SIAH3: variants seen among roughly 807,000 people sequenced by gnomAD.
SIAH3 encodes seven in absentia homolog 3.
SIAH3 carries 9 observed loss-of-function variants against 12.6 expected under a neutral mutation model. The ratio of observed to expected loss-of-function variants is 0.72; its 90% CI spans 0.43 to 1.25. SIAH3 has a LOEUF of 1.25. SIAH3 is among the 50% of genes most tolerant of loss of function. The pLI, the probability that SIAH3 is intolerant of heterozygous loss-of-function variation, is 0.00. For missense variants in SIAH3, 390 were observed against 365.4 expected (o/e 1.07, Z -0.55); for synonymous variants, 154 against 151.1 (o/e 1.02, Z -0.14).
chr13:45,803,108 T>C (rs1950587860), intron 1 of SIAH3, among the ~76,000 whole-genome samples: 1 of 151,790 alleles, frequency 6.6e-6, no homozygotes, highest in Admixed American at 6.6e-5. Context: ...AAAGCCTGTT[T>C]GGCAGGGTGT....
chr13:45,810,648 T>C (rs1950613509), intron 1 of SIAH3, among the ~76,000 whole-genome samples: 1 of 152,054 alleles, frequency 6.6e-6, no homozygotes, highest in Non-Finnish European at 1.5e-5. Context: ...TGAGAAAAAA[T>C]GTGCTGCAGT....
chr13:45,799,153 T>C (rs1950573021), intron 1 of SIAH3, among the ~76,000 whole-genome samples: 1 of 152,198 alleles, frequency 6.6e-6, no homozygotes, highest in African/African-American at 2.4e-5. Context: ...TCAATTTCCC[T>C]GCATTGACTA....
chr13:45,823,793 C>A (rs1950664494), intron 1 of SIAH3, among the ~76,000 whole-genome samples: 1 of 152,208 alleles, frequency 6.6e-6, no homozygotes, highest in Non-Finnish European at 1.5e-5. Context: ...GTCCTACAGG[C>A]CTGACAGTAT....
At position 45,778,939 on chromosome 13, in the gene SIAH3, T is replaced by G. The variant is rs1950494016; in HGVS notation, c.*4444A>C. On this transcript the variant is annotated 3_prime_UTR_variant, in exon 2 of 2. Coordinates refer to ENST00000400405, the MANE Select transcript of SIAH3 (RefSeq NM_198849.3). Reference sequence around the variant, plus strand: ...TCTTCAGATTTTAGTGTCCACGAGATTCCTGGAACCAATCCCCCAAGGATA... The same window carrying G: ...TCTTCAGATTTTAGTGTCCACGAGAGTCCTGGAACCAATCCCCCAAGGATA... 6.6e-6 allele frequency: 1 copy of G among 152,196 alleles called. No homozygotes were observed. Among genetic ancestry groups the G allele is most frequent in the African/African-American group, 2.4e-5 (1 of 41,448 alleles). 9.4% of individuals were successfully genotyped at this position (152,196 alleles called of 1,614,324 possible).
chr13:45,847,951 C>T (rs1950766302), intron 1 of SIAH3, among the ~76,000 whole-genome samples: 1 of 152,100 alleles, frequency 6.6e-6, no homozygotes, highest in South Asian at 2.1e-4. Context: ...CCTCAAAGGG[C>T]ACCTCTGCAG....
chr13:45,808,856 G>A (rs1950606983), intron 1 of SIAH3, among the ~76,000 whole-genome samples: 2 of 152,134 alleles, frequency 1.3e-5, no homozygotes, highest in Admixed American at 1.3e-4. Flanking sequence ...TTCAGTTATA[G>A]AGAAAAGAAT....
At chr13:45,796,311 A>G (rs1950562510) in intron 1 of SIAH3, among the ~76,000 whole-genome samples, 1 of 152,118 alleles carries the variant, frequency 6.6e-6, no homozygotes, top group Non-Finnish European at 1.5e-5. Flanking sequence ...TCTTCAGGTC[A>G]CTGTTAAATG....
At position 45,851,540 on chromosome 13, in the gene SIAH3, A is replaced by T; in HGVS notation, c.90T>A (p.Ala30=). 1 of 1,614,206 alleles carries T rather than the reference A, an allele frequency of 6.2e-7. No individual in the cohort carries two copies. The highest frequency in any genetic ancestry group is 8.5e-7 in the Non-Finnish European group (1 of 1,180,028). Residue 30 remains alanine, a synonymous_variant, in exon 1 of 2, where the codon GCT becomes GCA. Coordinates refer to ENST00000400405, the MANE Select transcript of SIAH3 (RefSeq NM_198849.3). ...QHYKAKRVFS[A]AGQLVCVVNP... is the part of the protein sequence containing the mutation. ...TGACGACACAGACAAGTTGCCCGGC[A>T]GCGGAGAAAACCCGTTTAGCCTTGT...
chr13:45,819,530 G>A (rs1350073076), intron 1 of SIAH3, among the ~76,000 whole-genome samples: 1 of 152,166 alleles, frequency 6.6e-6, no homozygotes, highest in East Asian at 1.9e-4. Flanking sequence ...CAGCAAAGAG[G>A]AAATCAGACT....
rs372470417 is a variant in SIAH3, at chr13:45,796,591, G to T, written c.136-12534C>A. 1.2e-3 allele frequency among the ~76,000 whole-genome samples: 185 copies of T among 152,348 alleles called. 4 individuals are homozygous for T. The highest frequency in any genetic ancestry group is 4.8e-3 in the Admixed American group (74 of 15,300). ...AAACACAGTAGATAAGTTGCTGAAG[G>T]TGTTCACACCATGCCTGGAGTGGCA... is the stretch of plus-strand genomic sequence containing the variant. On this transcript the variant is annotated intron_variant, in intron 1 of 1. Coordinates refer to ENST00000400405, the MANE Select transcript of SIAH3 (RefSeq NM_198849.3).
At chr13:45,799,085 C>T (rs1950572853) in intron 1 of SIAH3, among the ~76,000 whole-genome samples, 1 of 152,200 alleles carries the variant, frequency 6.6e-6, no homozygotes, top group Non-Finnish European at 1.5e-5. Context: ...AAGCACTTAA[C>T]AGTAATTCCC....
chr13:45,826,169 C>G (rs529631811), intron 1 of SIAH3, among the ~76,000 whole-genome samples: 2 of 152,290 alleles, frequency 1.3e-5, no homozygotes, highest in South Asian at 4.1e-4. Flanking sequence ...AAGCATTTAA[C>G]ATTACCTGAT....
chr13:45,787,149 T>C (rs1950530773), intron 1 of SIAH3, among the ~76,000 whole-genome samples: 1 of 151,912 alleles, frequency 6.6e-6, no homozygotes, highest in South Asian at 2.1e-4. Context: ...CCTTTGAAAG[T>C]GGTGCTAGGT....
chr13:45,783,625 T>A lies in SIAH3; in HGVS notation c.568A>T (p.Ile190Phe). 1.2e-6 allele frequency: 2 copies of A among 1,614,100 alleles called. No homozygotes were observed. Among genetic ancestry groups the A allele is most frequent in the Non-Finnish European group, 1.7e-6 (2 of 1,179,996 alleles). ...HPQFFATMML[I>F]GTPTQADCFT... The stretch of plus-strand genomic sequence containing the variant: ...CAGTCGGCCTGGGTGGGGGTCCCAA[T>A]CAGCATCATGGTGGCAAAGAACTGG... The change falls in exon 2 of 2, where the codon ATT becomes TTT. Residue 190 changes from isoleucine to phenylalanine, a missense_variant. Transcript: ENST00000400405.
rs368536822 is a variant in SIAH3, at chr13:45,783,796, C to T, written c.397G>A (p.Val133Ile). 1.1e-5 allele frequency: 17 copies of T among 1,614,104 alleles called. No individual in the cohort carries two copies. In the African/African-American group the frequency reaches 2.1e-4, roughly 20 times the overall value. ...VVPHLRQIHR[V>I]DILQGAEIVF... ...ATCTCGGCTCCCTGGAGGATGTCAA[C>T]CCTATGGATCTGCCGCAGGTGGGGC... The change falls in exon 2 of 2, where the codon GTT becomes ATT. Residue 133 changes from valine to isoleucine, a missense_variant. By Grantham distance (29) the Val-to-Ile change is conservative. Coordinates refer to ENST00000400405, the MANE Select transcript of SIAH3 (RefSeq NM_198849.3).
rs747164476 is a variant in SIAH3, at chr13:45,851,595, A to G, written c.35T>C (p.Leu12Ser). 8 of 1,614,110 alleles carry G rather than the reference A, an allele frequency of 5.0e-6. No individual in the cohort carries two copies. In the Admixed American group the frequency reaches 8.3e-5, roughly 17 times the overall value. ...LFFTQCFGAV[L>S]DLIHLRFQHY... ...CTGAAACCGGAGATGAATGAGATCT[A>G]ATACAGCCCCAAAGCACTGGGTAAA... The change falls in exon 1 of 2, where the codon TTA (leucine) becomes TCA (serine). Residue 12 changes from leucine to serine, a missense_variant. Coordinates refer to ENST00000400405, the MANE Select transcript of SIAH3 (RefSeq NM_198849.3).
At chr13:45,799,602 G>A (rs894548807) in intron 1 of SIAH3, among the ~76,000 whole-genome samples, 3 of 152,192 alleles carry the variant, frequency 2.0e-5, no homozygotes, top group Non-Finnish European at 4.4e-5. Context: ...CAGGATGGAG[G>A]ATGGTCTTTC....
intron 1 of SIAH3, among the ~76,000 whole-genome samples, chr13:45,828,288 A>G (rs1472383795): frequency 6.6e-6 from 1 of 152,154 alleles, no homozygotes; most frequent in Non-Finnish European, 1.5e-5. Flanking sequence ...GCTGAAGTTC[A>G]TGGTCCTGAT....
chr13:45,822,931 C>T (rs1031570798), intron 1 of SIAH3, among the ~76,000 whole-genome samples: 3 of 107,752 alleles, frequency 2.8e-5, no homozygotes, highest in African/African-American at 4.3e-5. Context: ...GAACAAAGGC[C>T]ACAAAGTCGT....
Sources: gnomAD v4.1 joint callset for allele counts (sites outside exome capture counted in the v4.1 genomes callset) on GRCh38, gnomAD v4.1.1 for gene constraint, MANE v1.5 for transcripts, NCBI Gene and HGNC (gene_info 2026-07-23, HGNC 2026-07-21) for gene names.